The following TMEM232 variants were observed in gnomAD, a reference collection of about 807,000 sequenced individuals.
TMEM232 encodes transmembrane protein 232.
Under a neutral mutation model 78.8 loss-of-function variants are expected in TMEM232, and 80 were observed. That is an observed-to-expected ratio of 1.01 (90% CI 0.85 to 1.22). The LOEUF is 1.22. TMEM232 is among the 50% of genes most tolerant of loss of function. The pLI is 0.00. For synonymous variants in TMEM232, 297 were observed against 254.3 expected, an observed-to-expected ratio of 1.17 and a Z score of -1.60; for missense variants, 881 against 742.2, an observed-to-expected ratio of 1.19 and a Z score of -2.17.
chr5:110,466,230 A>C (rs1762059242), intron 12 of TMEM232, among the ~76,000 whole-genome samples: 1 of 152,232 alleles, frequency 6.6e-6, no homozygotes, highest in South Asian at 2.1e-4. Flanking sequence ...ATCACTTTCT[A>C]ATGTAGATTC....
At chr5:110,451,912 A>G (rs311732) in intron 12 of TMEM232, among the ~76,000 whole-genome samples, 152,166 of 152,178 alleles carry the variant, frequency 1, 76,077 homozygotes, top group Middle Eastern at 1. Context: ...ATAGTTCACC[A>G]ATTTATTTAA....
chr5:110,684,400 G>C (rs1328054283), intron 1 of TMEM232, among the ~76,000 whole-genome samples: 1 of 152,020 alleles, frequency 6.6e-6, no homozygotes, highest in Non-Finnish European at 1.5e-5. Context: ...ATGAGTTTTA[G>C]TGCCAGTAAA....
At chr5:110,639,081 C>G (rs1328584717) in intron 4 of TMEM232, among the ~76,000 whole-genome samples, 2 of 152,042 alleles carry the variant, frequency 1.3e-5, no homozygotes, top group South Asian at 2.1e-4. Context: ...AAAGAAGAAC[C>G]CTGACATGCT....
chr5:110,597,063 G>C (rs1263344949), intron 10 of TMEM232, among the ~76,000 whole-genome samples: 2 of 152,134 alleles, frequency 1.3e-5, no homozygotes, highest in African/African-American at 4.8e-5. Context: ...TAGGAAAAGA[G>C]GAAGTCAAAT....
At chr5:110,525,169 A>C (rs988242485) in intron 12 of TMEM232, among the ~76,000 whole-genome samples, 139 of 144,368 alleles carry the variant, frequency 9.6e-4, no homozygotes, top group Non-Finnish European at 1.7e-3. Flanking sequence ...TAACAATAAG[A>C]AAAAAAAAAA....
chr5:110,653,852 A>T (rs1432676304), intron 2 of TMEM232, among the ~76,000 whole-genome samples: 2 of 152,214 alleles, frequency 1.3e-5, no homozygotes, highest in Non-Finnish European at 2.9e-5. Flanking sequence ...AGGACTTGTA[A>T]GTCAAGCATG....
chr5:110,393,414 T>A (rs1424435384), intron 3 of TMEM232, among the ~76,000 whole-genome samples: 1 of 152,214 alleles, frequency 6.6e-6, no homozygotes, highest in Non-Finnish European at 1.5e-5. Context: ...CTATCCTGCA[T>A]AATATTCCTT....
chr5:110,674,069 A>T (rs1791722650), intron 1 of TMEM232, among the ~76,000 whole-genome samples: 1 of 151,970 alleles, frequency 6.6e-6, no homozygotes, highest in Non-Finnish European at 1.5e-5. Flanking sequence ...TATCTGAGAA[A>T]ATGTAAGCAT....
chr5:110,443,254 G>T (rs539694424), intron 12 of TMEM232, among the ~76,000 whole-genome samples: 1 of 152,122 alleles, frequency 6.6e-6, no homozygotes, highest in Non-Finnish European at 1.5e-5. Context: ...GAAGTTTACC[G>T]ATGTTCTATT....
chr5:110,605,474 G>T, intron 9 of TMEM232, 116 bp from the exon 10 acceptor site: 2 of 1,207,488 alleles, frequency 1.7e-6, no homozygotes, highest in East Asian at 2.8e-5. Flanking sequence ...ATCTAAATGT[G>T]TTCATTAAAA....
At chr5:110,442,211 C>T (rs984861949) in intron 12 of TMEM232, among the ~76,000 whole-genome samples, 12 of 152,188 alleles carry the variant, frequency 7.9e-5, no homozygotes, top group Admixed American at 4.6e-4. Context: ...CTTTCTACCC[C>T]TATCTCTTTT....
intron 2 of TMEM232, among the ~76,000 whole-genome samples, chr5:110,412,627 A>G (rs1052338867): frequency 1.3e-5 from 2 of 151,994 alleles, no homozygotes; most frequent in African/African-American, 4.8e-5. Context: ...GCATAAAACT[A>G]TGTGTATTTT....
chr5:110,682,831 C>T (rs1412250334), intron 1 of TMEM232, among the ~76,000 whole-genome samples: 2 of 152,114 alleles, frequency 1.3e-5, no homozygotes, highest in Admixed American at 1.3e-4. Context: ...ACCCTGCCAA[C>T]CACCCCTTCT....
chr5:110,585,811 C>T (rs1490966571), intron 10 of TMEM232, among the ~76,000 whole-genome samples: 2 of 152,074 alleles, frequency 1.3e-5, no homozygotes, highest in Non-Finnish European at 2.9e-5. Flanking sequence ...TGATTTAGGG[C>T]TATTTTCCTG....
chr5:110,511,111 G>A (rs914999730), intron 12 of TMEM232, among the ~76,000 whole-genome samples: 5 of 152,116 alleles, frequency 3.3e-5, no homozygotes, highest in African/African-American at 7.2e-5. Flanking sequence ...CTACTATGCC[G>A]CCACAAAAGG....
intron 12 of TMEM232, among the ~76,000 whole-genome samples, chr5:110,444,711 A>G (rs1375067426): frequency 6.6e-6 from 1 of 152,156 alleles, no homozygotes; most frequent in Non-Finnish European, 1.5e-5. Flanking sequence ...AAAGTGCCTT[A>G]TAGTTGGTCT....
chr5:110,633,123 T>C (rs1172937655), intron 5 of TMEM232, among the ~76,000 whole-genome samples: 2 of 152,038 alleles, frequency 1.3e-5, no homozygotes, highest in South Asian at 2.1e-4. Context: ...CCAAAGATAC[T>C]ATATCCAGCA....
At chr5:110,530,641 C>T (rs926908270) in intron 11 of TMEM232, among the ~76,000 whole-genome samples, 1 of 152,062 alleles carries the variant, frequency 6.6e-6, no homozygotes, top group Non-Finnish European at 1.5e-5. Context: ...AGACAAATAC[C>T]ACATGATCTC....
At chr5:110,655,280 ATGCAGC>A (rs1378502442) in intron 2 of TMEM232, among the ~76,000 whole-genome samples, 3 of 151,114 alleles carry the variant, frequency 2.0e-5, no homozygotes, top group Middle Eastern at 3.4e-3. Context: ...GAAGACATTT[ATGCAGC>A]CAAAAGACAC....
Sources: allele counts gnomAD v4.1 joint callset (sites outside exome capture counted in the v4.1 genomes callset), GRCh38; gene constraint gnomAD v4.1.1; transcripts MANE v1.5; gene names NCBI Gene and HGNC (gene_info 2026-07-23, HGNC 2026-07-21).